The following MAPK10 variants were observed in gnomAD, a reference collection of about 807,000 sequenced individuals.
MAPK10 encodes the protein JNK3 alpha protein kinase.
MAPK10 carries 25 observed loss-of-function variants against 59.3 expected under a neutral mutation model. The observed-to-expected ratio is 0.42, with a 90% CI of 0.31 to 0.59. The LOEUF is 0.59. Ranked by LOEUF, MAPK10 falls within the 20% of genes least tolerant of loss-of-function variation. The probability of loss-of-function intolerance (pLI) is 0.15; values close to 1 mark genes in which losing one functional copy is unlikely to be tolerated. For synonymous variants in MAPK10, 190 were observed against 200.5 expected (o/e 0.95, Z 0.44); for missense variants, 351 against 568.9 (o/e 0.62, Z 3.90).
intron 6 of MAPK10, 42 bp downstream of exon 6, chr4:86,103,144 G>A: frequency 7.1e-7 from 1 of 1,401,300 alleles, no homozygotes; most frequent in Non-Finnish European, 1.0e-6. Flanking sequence ...TGGGCTATCT[G>A]AGTGCTGTGC....
intron 1 of MAPK10, among the ~76,000 whole-genome samples, chr4:86,589,527 CA>C (rs1725143115): frequency 6.6e-6 from 1 of 151,856 alleles, no homozygotes. Flanking sequence ...ACTAAAAATA[CA>C]AAAATTAGCC....
upstream of MAPK10, among the ~76,000 whole-genome samples, chr4:86,457,498 C>T (rs1751338028): frequency 6.6e-6 from 1 of 152,164 alleles, no homozygotes; most frequent in African/African-American, 2.4e-5. Flanking sequence ...ATCAATAGCT[C>T]TTCTATACAC....
chr4:86,211,067 T>C (rs1236192810), intron 2 of MAPK10, among the ~76,000 whole-genome samples: 2 of 151,748 alleles, frequency 1.3e-5, no homozygotes, highest in African/African-American at 2.4e-5. Context: ...TGAGAAAAAT[T>C]AAACGAAGCC....
At chr4:86,035,448 T>C (rs2040072877) in intron 11 of MAPK10, among the ~76,000 whole-genome samples, 1 of 145,836 alleles carries the variant, frequency 6.9e-6, no homozygotes, top group Non-Finnish European at 1.5e-5. Flanking sequence ...CACTGAGGAA[T>C]GTAAGAGAAC....
At chr4:86,472,405 TA>T (rs1280336828) in intron 1 of MAPK10, among the ~76,000 whole-genome samples, 2 of 151,654 alleles carry the variant, frequency 1.3e-5, no homozygotes, top group African/African-American at 4.8e-5. Flanking sequence ...CAATAAGGTT[TA>T]AAAAAAAATT....
chr4:86,262,448 C>T (rs1186910883), intron 2 of MAPK10, among the ~76,000 whole-genome samples: 3 of 152,092 alleles, frequency 2.0e-5, no homozygotes, highest in South Asian at 2.1e-4. Flanking sequence ...CCCCCTGGCC[C>T]CCACCTTCAG....
chr4:86,442,541 C>T (rs1327382160), intron 1 of MAPK10, among the ~76,000 whole-genome samples: 1 of 152,138 alleles, frequency 6.6e-6, no homozygotes, highest in African/African-American at 2.4e-5. Context: ...TTTTATTCCT[C>T]ACTTATTTAA....
intron 8 of MAPK10, chr4:86,099,176 C>T (rs2054837892): frequency 6.6e-6 from 1 of 152,262 alleles, no homozygotes; most frequent in African/African-American, 2.4e-5. Context: ...TGGGACTTAG[C>T]TTTTCCTTCA....
intron 1 of MAPK10, among the ~76,000 whole-genome samples, chr4:86,588,715 C>T (rs1420432319): frequency 1.3e-5 from 2 of 152,130 alleles, no homozygotes; most frequent in African/African-American, 4.8e-5. Context: ...TGAAATTGTA[C>T]TTCCAAATGG....
chr4:86,104,635 A>G (rs1359685645), intron 5 of MAPK10, among the ~76,000 whole-genome samples: 1 of 152,162 alleles, frequency 6.6e-6, no homozygotes, highest in Non-Finnish European at 1.5e-5. Flanking sequence ...ATTCACATGA[A>G]CACTACTTAA....
chr4:86,141,225 T>G (rs1325900404), intron 4 of MAPK10, among the ~76,000 whole-genome samples: 1 of 152,162 alleles, frequency 6.6e-6, no homozygotes, highest in Non-Finnish European at 1.5e-5. Flanking sequence ...AGGATATAGT[T>G]TACAAAAACA....
chr4:86,360,844 A>G (rs1736803273), upstream of MAPK10, among the ~76,000 whole-genome samples: 1 of 152,196 alleles, frequency 6.6e-6, no homozygotes, highest in Admixed American at 6.5e-5. Context: ...TTAGAATGAC[A>G]ACAGTTGACT....
intron 1 of MAPK10, among the ~76,000 whole-genome samples, chr4:86,459,718 G>C (rs1751555558): frequency 6.6e-6 from 1 of 152,280 alleles, no homozygotes; most frequent in South Asian, 2.1e-4. Flanking sequence ...AAGCTATGAG[G>C]ATGCAAAGGC....
upstream of MAPK10, chr4:86,360,241 T>C: frequency 1.0e-6 from 1 of 983,602 alleles, no homozygotes; most frequent in East Asian, 1.1e-4. Flanking sequence ...CAGGCAAATG[T>C]AAAGGAATAA....
chr4:86,059,199 T>C (rs1435093509), intron 11 of MAPK10, among the ~76,000 whole-genome samples: 4 of 152,162 alleles, frequency 2.6e-5, no homozygotes, highest in Non-Finnish European at 5.9e-5. Flanking sequence ...TAAGATATAA[T>C]GGCAGACAAG....
intron 2 of MAPK10, among the ~76,000 whole-genome samples, chr4:86,318,683 T>A (rs2148887018): frequency 6.6e-6 from 1 of 152,306 alleles, no homozygotes; most frequent in Admixed American, 6.5e-5. Flanking sequence ...TGTTATCTAT[T>A]ACTGTGCCTA....
intron 11 of MAPK10, among the ~76,000 whole-genome samples, chr4:86,044,246 T>C (rs1050867066): frequency 6.6e-6 from 1 of 152,270 alleles, no homozygotes; most frequent in South Asian, 2.1e-4. Flanking sequence ...TGCATATTTA[T>C]CATTTTCAAT....
intron 2 of MAPK10, among the ~76,000 whole-genome samples, chr4:86,240,373 C>G (rs2092632228): frequency 6.6e-6 from 1 of 152,152 alleles, no homozygotes; most frequent in African/African-American, 2.4e-5. Context: ...TCCACTTGGT[C>G]TAGAGCTGAG....
intron 1 of MAPK10, among the ~76,000 whole-genome samples, chr4:86,525,781 T>C (rs1415947087): frequency 6.6e-6 from 1 of 152,140 alleles, no homozygotes; most frequent in Non-Finnish European, 1.5e-5. Context: ...ATAAACAAAA[T>C]ATAGGGAATA....
Sources: allele counts gnomAD v4.1 joint callset (sites outside exome capture counted in the v4.1 genomes callset), GRCh38; gene constraint gnomAD v4.1.1; transcripts MANE v1.5; gene names NCBI Gene and HGNC (gene_info 2026-07-23, HGNC 2026-07-21).